Variants in BPIFA2 observed in about 807,000 individuals in gnomAD.
BPIFA2 encodes the protein BPI fold-containing family A member 2.
In BPIFA2, 20 loss-of-function variants were observed where a neutral mutation model predicts 25.7. The ratio of observed to expected loss-of-function variants is 0.78; its 90% CI spans 0.55 to 1.13. The LOEUF is 1.13. Among genes scored for constraint, BPIFA2 ranks in the 50% most tolerant of loss-of-function variants. The pLI is 0.00. For synonymous variants in BPIFA2, 126 were observed against 124.3 expected (o/e 1.01, Z -0.09); for missense variants, 300 against 298.1 (o/e 1.01, Z -0.05).
chr20:33,181,200 C>T (rs1225937041), intron 8 of BPIFA2, 24 bp from the exon 9 acceptor site: 2 of 152,424 alleles, frequency 1.3e-5, no homozygotes, highest in Non-Finnish European at 2.9e-5. Flanking sequence ...AGCAAATGTC[C>T]TAACCCCCTT....
At position 33,173,313 on chromosome 20, in the gene BPIFA2, G is replaced by A. The variant is rs547638203; in HGVS notation, c.302+237G>A. Among the ~76,000 whole-genome samples the A allele has an allele frequency of 2.8e-4, 42 of 152,086 alleles. 1 individual carries two copies. The highest frequency in any genetic ancestry group is 6.8e-3 in the Middle Eastern group (2 of 294). ...CCGCTTTCTTTAATTTCAGGGTCAGGGTGAAGGTTATATTTATCCTTACCT... is the reference window on the plus strand; with the variant it reads ...CCGCTTTCTTTAATTTCAGGGTCAGAGTGAAGGTTATATTTATCCTTACCT... On this transcript the variant is annotated intron_variant, in intron 3 of 8. Coordinates refer to ENST00000354932, the MANE Select transcript of BPIFA2 (RefSeq NM_080574.4).
chr20:33,167,217 C>T (rs932171016), upstream of BPIFA2, among the ~76,000 whole-genome samples: 3 of 152,244 alleles, frequency 2.0e-5, no homozygotes, highest in Non-Finnish European at 4.4e-5. Context: ...AGCAGAAGGG[C>T]AGAGACCTAT....
intron 6 of BPIFA2, among the ~76,000 whole-genome samples, 161 bp from the exon 7 acceptor site, chr20:33,179,443 A>AT (rs1222504634): frequency 6.6e-6 from 1 of 151,846 alleles, no homozygotes; most frequent in East Asian, 1.9e-4. Flanking sequence ...AAAAAAAAAA[A>AT]AAATACAATA....
At chr20:33,169,436 A>T (rs1305677239) in intron 2 of BPIFA2, 134 bp downstream of exon 2, 4 of 783,862 alleles carry the variant, frequency 5.1e-6, no homozygotes, top group Middle Eastern at 2.5e-4. Flanking sequence ...TCAATTCCTG[A>T]CTCATTCGTT....
At chr20:33,164,313 G>C (rs1983659411), upstream of BPIFA2, among the ~76,000 whole-genome samples, 1 of 152,182 alleles carries the variant, frequency 6.6e-6, no homozygotes, top group Non-Finnish European at 1.5e-5. Context: ...CAAATTCCAG[G>C]GAGTGAGGTG....
chr20:33,178,901 G>A (rs369890231), intron 6 of BPIFA2, among the ~76,000 whole-genome samples: 78 of 152,272 alleles, frequency 5.1e-4, no homozygotes, highest in African/African-American at 1.8e-3. Flanking sequence ...TGCAATCTGC[G>A]GGGAACTGTG....
intron 6 of BPIFA2, 46 bp downstream of exon 6, chr20:33,178,274 C>A: frequency 1.4e-6 from 2 of 1,438,678 alleles, no homozygotes; most frequent in Non-Finnish European, 9.7e-7. Context: ...CTGGTGGGGG[C>A]AGGTGGGGGA....
intron 6 of BPIFA2, among the ~76,000 whole-genome samples, chr20:33,178,875 C>T (rs775656119): frequency 2.5e-4 from 38 of 152,152 alleles, no homozygotes; most frequent in Non-Finnish European, 3.4e-4. Context: ...CAGGCCACAC[C>T]CCAGACCTGC....
intron 1 of BPIFA2, among the ~76,000 whole-genome samples, chr20:33,168,682 G>A (rs1313490288): frequency 6.6e-6 from 1 of 152,184 alleles, no homozygotes; most frequent in Non-Finnish European, 1.5e-5. Flanking sequence ...AGCCTGGTAG[G>A]AAAGGTGGTC....
At chr20:33,166,659 G>A (rs1983734955), upstream of BPIFA2, among the ~76,000 whole-genome samples, 1 of 152,134 alleles carries the variant, frequency 6.6e-6, no homozygotes. Flanking sequence ...CCCAAGCCCA[G>A]TGCCAGGCTC....
At chr20:33,163,585 G>A (rs1338847076), upstream of BPIFA2, among the ~76,000 whole-genome samples, 2 of 152,172 alleles carry the variant, frequency 1.3e-5, no homozygotes, top group Admixed American at 6.5e-5. Context: ...CACTTTGGGA[G>A]GCTAAGGCAG....
upstream of BPIFA2, among the ~76,000 whole-genome samples, chr20:33,166,699 C>T (rs1983736587): frequency 1.3e-5 from 2 of 152,168 alleles, no homozygotes; most frequent in South Asian, 2.1e-4. Context: ...CCCTCACCAT[C>T]GTTTTGATTT....
chr20:33,179,867 G>A (rs1180117461), intron 7 of BPIFA2, among the ~76,000 whole-genome samples, 200 bp downstream of exon 7: 1 of 152,144 alleles, frequency 6.6e-6, no homozygotes, highest in African/African-American at 2.4e-5. Context: ...GGGGTTGCTG[G>A]GGAGAAATGG....
chr20:33,178,577 AAATT>A (rs765242033), intron 6 of BPIFA2, among the ~76,000 whole-genome samples: 1 of 152,214 alleles, frequency 6.6e-6, no homozygotes, highest in Non-Finnish European at 1.5e-5. Flanking sequence ...CATAAATAGA[AAATT>A]AATATCACAT....
intron 2 of BPIFA2, among the ~76,000 whole-genome samples, chr20:33,172,057 C>T (rs1983913772): frequency 1.3e-5 from 2 of 152,080 alleles, no homozygotes; most frequent in Non-Finnish European, 2.9e-5. Context: ...ACTATGCAGC[C>T]ATAAAAAAGA....
rs568741127 is a variant in BPIFA2 at position 33,173,045 on chromosome 20, A to C, written c.271A>C (p.Lys91Gln). ...AEKLLNNVISKLLPTNTDIFG... is the reference protein window; with the variant it reads ...AEKLLNNVISQLLPTNTDIFG... ...GAAATTGCTGAACAATGTCATTTCT[A>C]AGCTGCTTCCAACTAACACGGACAT... is the stretch of plus-strand genomic sequence containing the variant. Residue 91 changes from lysine to glutamine, a missense_variant, in exon 3 of 9, where the codon AAG becomes CAG. Lys to Gln is a moderately conservative substitution (Grantham distance 53, BLOSUM62 1). Coordinates refer to ENST00000354932, the MANE Select transcript of BPIFA2 (RefSeq NM_080574.4). 7.4e-6 allele frequency: 12 copies of C among 1,614,056 alleles called. No individual in the cohort carries two copies. In the South Asian group the frequency reaches 1.3e-4, roughly 18 times the overall value.
Position 33,173,371 on chromosome 20 carries a change from C to T in BPIFA2, c.302+295C>T, listed in dbSNP as rs114685273. ...TTTGCTGGTACACAAAGTCCCTTTC[C>T]AAGGAATAAAACTTCCCTTTTCCAT... On this transcript the variant is annotated intron_variant, in intron 3 of 8. Transcript: ENST00000354932. Among the ~76,000 whole-genome samples the T allele has an allele frequency of 6.0e-3, 908 of 152,258 alleles. 12 individuals are homozygous for T. The highest frequency in any genetic ancestry group is 0.021 in the African/African-American group (865 of 41,530).
At chr20:33,180,403 T>A in intron 7 of BPIFA2, 117 bp from the exon 8 acceptor site, 1 of 1,108,582 alleles carries the variant, frequency 9.0e-7, no homozygotes, top group Non-Finnish European at 1.4e-6. Flanking sequence ...TGGAGCAACA[T>A]CCCTGGGGTC....
chr20:33,172,065 AG>A (rs776721352), intron 2 of BPIFA2, among the ~76,000 whole-genome samples: 1 of 152,238 alleles, frequency 6.6e-6, no homozygotes, highest in Non-Finnish European at 1.5e-5. Context: ...GCCATAAAAA[AG>A]AATGAGATCA....
Sources: gnomAD v4.1 joint callset for allele counts (sites outside exome capture counted in the v4.1 genomes callset) on GRCh38, gnomAD v4.1.1 for gene constraint, MANE v1.5 for transcripts, NCBI Gene and HGNC (gene_info 2026-07-23, HGNC 2026-07-21) for gene names.